Variants in RRAGB observed in about 807,000 individuals in gnomAD.
RRAGB encodes Ras related GTP binding B, also known as ras-related GTP-binding protein B.
RRAGB carries 6 observed loss-of-function variants against 29.3 expected under a neutral mutation model. That is an observed-to-expected ratio of 0.21 (90% CI 0.11 to 0.40). RRAGB has a LOEUF of 0.40. Ranked by LOEUF, RRAGB falls within the 10% of genes least tolerant of loss-of-function variation. The pLI, the probability that RRAGB is intolerant of heterozygous loss-of-function variation, is 1.00. For synonymous variants in RRAGB, 101 were observed against 92.5 expected, an observed-to-expected ratio of 1.09 and a Z score of -0.53; for missense variants, 184 against 272.9, an observed-to-expected ratio of 0.67 and a Z score of 2.29.
At chrX:55,718,919 C>T (rs1046552609) in intron 1 of RRAGB, among the ~76,000 whole-genome samples, 1 of 111,547 alleles carries the variant, frequency 9.0e-6, no homozygotes, top group African/African-American at 3.3e-5. Context: ...GTTTTTTATA[C>T]ATAGAAGATA....
rs2033112162 is a variant in RRAGB at position 55,717,983 on chromosome X, T to C, written c.-345T>C. On this transcript the variant is annotated 5_prime_UTR_variant, in exon 1 of 10. Transcript: ENST00000374941. ...CACCTCTTTGCGGGTGAAGTTACCT[T>C]TGGGTTTCCAGACCTTGGGGGCCTG... 6.3e-6 allele frequency: 1 copy of C among 158,315 alleles called. No individual in the cohort carries two copies. The highest frequency in any genetic ancestry group is 8.1e-5 in the Admixed American group (1 of 12,388). 13.0% of individuals were successfully genotyped at this position (158,315 alleles called of 1,213,427 possible).
intron 5 of RRAGB, among the ~76,000 whole-genome samples, chrX:55,732,044 T>G (rs1311933867): frequency 8.9e-6 from 1 of 112,280 alleles, no homozygotes. Flanking sequence ...ACTGATTTAC[T>G]AGATTTCTCT....
intron 3 of RRAGB, among the ~76,000 whole-genome samples, chrX:55,726,779 A>T (rs777461589): frequency 2.7e-5 from 3 of 111,809 alleles, no homozygotes; most frequent in Non-Finnish European, 1.9e-5. Context: ...TGAGTTACAT[A>T]TACTTGGATA....
At chrX:55,729,565 C>T (rs1001371233) in intron 4 of RRAGB, among the ~76,000 whole-genome samples, 4 of 111,274 alleles carry the variant, frequency 3.6e-5, no homozygotes, top group Admixed American at 2.9e-4. Context: ...GTTTAAATAG[C>T]GCTAATCCAA....
intron 5 of RRAGB, among the ~76,000 whole-genome samples, chrX:55,749,410 T>G (rs1243731236): frequency 1.1e-4 from 8 of 69,780 alleles, no homozygotes; most frequent in Admixed American, 3.1e-4. Context: ...GGGAGGGAGG[T>G]GGGGGGGTCA....
At chrX:55,734,462 A>G (rs1279964214) in intron 5 of RRAGB, among the ~76,000 whole-genome samples, 1 of 111,182 alleles carries the variant, frequency 9.0e-6, no homozygotes, top group Non-Finnish European at 1.9e-5. Flanking sequence ...TGTGTTTATC[A>G]GTATGATGTT....
intron 2 of RRAGB, among the ~76,000 whole-genome samples, chrX:55,720,529 T>C (rs1350890584): frequency 9.0e-6 from 1 of 111,577 alleles, no homozygotes; most frequent in Non-Finnish European, 1.9e-5. Context: ...AGGTAGAACA[T>C]AGGTTCCCTT....
intron 5 of RRAGB, among the ~76,000 whole-genome samples, chrX:55,748,113 G>A (rs1268627608): frequency 8.9e-6 from 1 of 112,811 alleles, no homozygotes. Context: ...CGAGTGATCC[G>A]CCAGCCTCGG....
intron 6 of RRAGB, among the ~76,000 whole-genome samples, chrX:55,752,544 A>C (rs1464639692): frequency 8.9e-6 from 1 of 112,265 alleles, no homozygotes; most frequent in Non-Finnish European, 1.9e-5. Flanking sequence ...AAATTTTTAT[A>C]TTAAGTTTTA....
Position 55,721,814 on chromosome X carries a change from C to T in RRAGB, c.127-372C>T, listed in dbSNP as rs756650489. Reference sequence around the variant, plus strand: ...GAACTTTCAGTTATGTTGCAATCCTCTACTAGGTAATTCAGTTAACAAAAC... The same window carrying T: ...GAACTTTCAGTTATGTTGCAATCCTTTACTAGGTAATTCAGTTAACAAAAC... On this transcript the variant is annotated intron_variant, in intron 2 of 9. Transcript: ENST00000374941. Among the ~76,000 whole-genome samples the T allele has an allele frequency of 3.6e-5, 4 of 112,492 alleles. No homozygotes were observed. In the South Asian group the frequency reaches 1.5e-3, roughly 42 times the overall value.
In RRAGB at chrX:55,719,454, C is replaced by G. The variant is rs913910970; in HGVS notation, c.126+107C>G. ...ATCTTTTCTGGACTATTGCAGGAGC[C>G]TTCTGTGTGGTCTGTCTGACTCTCT... On this transcript the variant is annotated intron_variant, in intron 2 of 9. Transcript: ENST00000374941. 3 of 525,230 alleles carry G rather than the reference C, an allele frequency of 5.7e-6. No homozygotes were observed. The East Asian group carries it at 1.3e-4, about 23-fold the overall frequency. 43.3% of individuals were successfully genotyped at this position (525,230 alleles called of 1,213,427 possible). A position where few individuals can be genotyped will look rare whatever the true frequency, so the allele number is the denominator to read the frequency against.
chrX:55,746,331 T>G (rs1014736064), intron 5 of RRAGB, among the ~76,000 whole-genome samples: 10 of 111,989 alleles, frequency 8.9e-5, no homozygotes, highest in Admixed American at 5.7e-4. Context: ...GCCAACACCA[T>G]AGGTCTCTAC....
At chrX:55,720,320 T>C (rs773434101) in intron 2 of RRAGB, among the ~76,000 whole-genome samples, 3 of 112,400 alleles carry the variant, frequency 2.7e-5, no homozygotes, top group South Asian at 3.7e-4. Context: ...TAAAGAGTTA[T>C]TGTTTTTCAA....
chrX:55,719,431 C>T, intron 2 of RRAGB, 84 bp downstream of exon 2: 1 of 643,498 alleles, frequency 1.6e-6, no homozygotes. Flanking sequence ...TATACACCAT[C>T]TTTTCTGGAC....
chrX:55,736,954 C>T (rs959755151), intron 5 of RRAGB, among the ~76,000 whole-genome samples: 1 of 112,196 alleles, frequency 8.9e-6, no homozygotes, highest in African/African-American at 3.2e-5. Context: ...AAGTGCATAC[C>T]ACTGGGGAAT....
At chrX:55,729,691 A>G (rs1038144684) in intron 4 of RRAGB, among the ~76,000 whole-genome samples, 1 of 111,599 alleles carries the variant, frequency 9.0e-6, no homozygotes, top group Non-Finnish European at 1.9e-5. Flanking sequence ...GTCACACCAT[A>G]CTACTTTGTT....
intron 3 of RRAGB, chrX:55,727,294 C>A: frequency 2.6e-6 from 3 of 1,166,948 alleles, no homozygotes; most frequent in Non-Finnish European, 3.5e-6. Flanking sequence ...CACTTCTTTC[C>A]ATTTTTTTTT....
At chrX:55,753,949 G>A (rs1370415510) in intron 7 of RRAGB, among the ~76,000 whole-genome samples, 1 of 111,893 alleles carries the variant, frequency 8.9e-6, no homozygotes, top group African/African-American at 3.3e-5. Flanking sequence ...GGAGGCTGAG[G>A]CAGGAGAATC....
At chrX:55,720,836 C>T (rs966969469) in intron 2 of RRAGB, among the ~76,000 whole-genome samples, 2 of 110,728 alleles carry the variant, frequency 1.8e-5, no homozygotes, top group African/African-American at 6.6e-5. Flanking sequence ...TGAGATCATG[C>T]CACAGCCCTC....
Sources: allele counts gnomAD v4.1 joint callset (sites outside exome capture counted in the v4.1 genomes callset), GRCh38; gene constraint gnomAD v4.1.1; transcripts MANE v1.5; gene names NCBI Gene and HGNC (gene_info 2026-07-23, HGNC 2026-07-21).